The following PTPRR variants were observed in gnomAD, a reference collection of about 807,000 sequenced individuals.
PTPRR encodes the protein receptor-type tyrosine-protein phosphatase R.
In PTPRR, 38 loss-of-function variants were observed where a neutral mutation model predicts 77.2. The observed-to-expected ratio is 0.49, with a 90% CI of 0.38 to 0.65. The LOEUF is 0.65. PTPRR is among the 30% of genes least tolerant of loss of function. The pLI is 0.00. For synonymous variants in PTPRR, 299 were observed against 283.1 expected (o/e 1.06, Z -0.57); for missense variants, 744 against 799.2 (o/e 0.93, Z 0.83).
chr12:70,860,172 G>A (rs78775157), intron 2 of PTPRR, among the ~76,000 whole-genome samples: 1 of 152,058 alleles, frequency 6.6e-6, no homozygotes, highest in African/African-American at 2.4e-5. Flanking sequence ...CCACAAGGCA[G>A]CATATCATTT....
chr12:70,642,314 G>C (rs946245945), intron 13 of PTPRR, among the ~76,000 whole-genome samples: 6 of 152,074 alleles, frequency 3.9e-5, no homozygotes, highest in Non-Finnish European at 8.8e-5. Context: ...TAAATGCAAG[G>C]CTTTCTATTT....
intron 2 of PTPRR, among the ~76,000 whole-genome samples, chr12:70,824,326 C>G (rs774382516): frequency 6.6e-6 from 1 of 152,128 alleles, no homozygotes; most frequent in African/African-American, 2.4e-5. Context: ...AAATGCTTCT[C>G]AAGTAGAAAC....
intron 2 of PTPRR, among the ~76,000 whole-genome samples, chr12:70,787,774 T>A (rs1396495335): frequency 6.6e-6 from 1 of 152,198 alleles, no homozygotes; most frequent in Admixed American, 6.5e-5. Context: ...ATTTGGGCCA[T>A]CTTGATGACT....
chr12:70,842,418 C>T (rs1892412485), intron 2 of PTPRR, among the ~76,000 whole-genome samples: 1 of 152,098 alleles, frequency 6.6e-6, no homozygotes, highest in Non-Finnish European at 1.5e-5. Context: ...TAAGAAGTTA[C>T]CACAAAATAG....
chr12:70,775,632 C>T (rs1018369084), intron 2 of PTPRR, among the ~76,000 whole-genome samples: 4 of 152,180 alleles, frequency 2.6e-5, no homozygotes, highest in African/African-American at 9.7e-5. Context: ...GGGCAAAGGA[C>T]AAATGTCCAT....
chr12:70,914,451 T>C (rs1893745060), intron 1 of PTPRR, among the ~76,000 whole-genome samples: 1 of 152,178 alleles, frequency 6.6e-6, no homozygotes, highest in African/African-American at 2.4e-5. Flanking sequence ...TAAGGATCTG[T>C]CTCAAGGCAG....
intron 12 of PTPRR, among the ~76,000 whole-genome samples, chr12:70,659,616 A>G (rs1027120049): frequency 6.6e-6 from 1 of 152,160 alleles, no homozygotes; most frequent in Admixed American, 6.5e-5. Flanking sequence ...GGACAGTTCC[A>G]GCCCTAACGC....
At position 70,741,784 on chromosome 12, in the gene PTPRR, C is replaced by A. The variant is rs934870041; in HGVS notation, c.1007+4034G>T. ...GCTGCTTTGTGGGTGCAGGTGAGAC[C>A]CCTGGATCCTTCACCGCTGAGCCCT... On this transcript the variant is annotated intron_variant, in intron 6 of 13. Transcript: ENST00000283228. Among the ~76,000 whole-genome samples, 151 of 152,020 alleles carry A rather than the reference C, an allele frequency of 9.9e-4. 2 individuals carry two copies. Among genetic ancestry groups the A allele is most frequent in the Non-Finnish European group, 7.4e-5 (5 of 68,010 alleles).
intron 6 of PTPRR, among the ~76,000 whole-genome samples, chr12:70,723,349 T>C (rs79695731): frequency 0.047 from 7,091 of 152,088 alleles, 564 homozygotes; most frequent in African/African-American, 0.16. Flanking sequence ...CTTTTTTTTT[T>C]CCCCTTTTAA....
chr12:70,913,145 G>A (rs1014249692), intron 1 of PTPRR, among the ~76,000 whole-genome samples: 2 of 152,032 alleles, frequency 1.3e-5, no homozygotes, highest in African/African-American at 2.4e-5. Context: ...CACATAAAGC[G>A]ATTTTTAAAT....
At chr12:70,765,360 C>A (rs1416987230) in intron 2 of PTPRR, among the ~76,000 whole-genome samples, 2 of 152,206 alleles carry the variant, frequency 1.3e-5, no homozygotes, top group Non-Finnish European at 2.9e-5. Flanking sequence ...GAGATTATAT[C>A]CCTCACCTGG....
rs1201715348 is a variant in PTPRR at position 70,844,949 on chromosome 12, A to G, written c.357+47730T>C. ...ATAACAAAAATAATAATCAATACATAGGATGTAAAAGTCTCAGGTATATTT... is the reference window on the plus strand; with the variant it reads ...ATAACAAAAATAATAATCAATACATGGGATGTAAAAGTCTCAGGTATATTT... On this transcript the variant is annotated intron_variant, in intron 2 of 13. Transcript: ENST00000283228. 2.0e-5 allele frequency among the ~76,000 whole-genome samples: 3 copies of G among 152,204 alleles called. 1 individual carries two copies. The highest frequency in any genetic ancestry group is 7.2e-5 in the African/African-American group (3 of 41,464).
At chr12:70,730,528 A>T (rs1045545463) in intron 6 of PTPRR, among the ~76,000 whole-genome samples, 23 of 147,268 alleles carry the variant, frequency 1.6e-4, no homozygotes, top group East Asian at 5.9e-4. Flanking sequence ...TAAATGAATT[A>T]AAAAAAAAAG....
At position 70,698,364 on chromosome 12, in the gene PTPRR, A is replaced by G; in HGVS notation, c.1195-15T>C. On this transcript the variant is annotated splice_polypyrimidine_tract_variant and intron_variant, in intron 7 of 13. Transcript: ENST00000283228. ...ATTGGTATTTCCTGCAAAAATAAAT[A>G]ATATCAAATTAGTGTATCTAATACT... 6.2e-7 allele frequency: 1 copy of G among 1,603,470 alleles called. No homozygotes were observed. The highest frequency in any genetic ancestry group is 8.5e-7 in the Non-Finnish European group (1 of 1,171,130).
chr12:70,795,011 T>A (rs1321521436), intron 2 of PTPRR, among the ~76,000 whole-genome samples: 1 of 152,148 alleles, frequency 6.6e-6, no homozygotes, highest in Non-Finnish European at 1.5e-5. Context: ...ATAGTTGATG[T>A]GTAGAGGTGT....
intron 5 of PTPRR, among the ~76,000 whole-genome samples, chr12:70,747,524 G>C (rs1436690836): frequency 1.3e-5 from 2 of 152,166 alleles, no homozygotes; most frequent in African/African-American, 4.8e-5. Flanking sequence ...AAATGGGAAA[G>C]CCAAGGAAAT....
At position 70,724,456 on chromosome 12, in the gene PTPRR, A is replaced by G. The variant is rs943420543; in HGVS notation, c.1007+21362T>C. Among the ~76,000 whole-genome samples the G allele has an allele frequency of 2.6e-5, 4 of 152,212 alleles. No individual in the cohort carries two copies. The East Asian group carries it at 7.7e-4, about 29-fold the overall frequency. ...ATTGAGATAATATGTGTGAAACACA[A>G]CAGGGCTTGATAACGTAATAAATGC... On this transcript the variant is annotated intron_variant, in intron 6 of 13. Transcript: ENST00000283228.
chr12:70,874,790 C>T (rs996462975), intron 2 of PTPRR, among the ~76,000 whole-genome samples: 8 of 151,848 alleles, frequency 5.3e-5, no homozygotes, highest in African/African-American at 1.9e-4. Flanking sequence ...GGCGTGGTGG[C>T]GTGCACCTAT....
At chr12:70,642,389 C>T (rs1404859044) in intron 13 of PTPRR, among the ~76,000 whole-genome samples, 1 of 152,086 alleles carries the variant, frequency 6.6e-6, no homozygotes, top group Non-Finnish European at 1.5e-5. Context: ...CACTATCTAT[C>T]GTCAATATAT....
Sources: allele counts gnomAD v4.1 joint callset (sites outside exome capture counted in the v4.1 genomes callset), GRCh38; gene constraint gnomAD v4.1.1; transcripts MANE v1.5; gene names NCBI Gene and HGNC (gene_info 2026-07-23, HGNC 2026-07-21).